The following SNX18 variants were observed in gnomAD, a reference collection of about 807,000 sequenced individuals.
SNX18 encodes the protein sorting nexin-18.
A neutral mutation model predicts 48.7 loss-of-function variants in SNX18; 35 were observed. That is an observed-to-expected ratio of 0.72 (90% CI 0.55 to 0.95). The LOEUF (loss-of-function observed/expected upper bound fraction) is 0.95. SNX18 is among the 40% of genes least tolerant of loss of function. The pLI, the probability that SNX18 is intolerant of heterozygous loss-of-function variation, is 0.00. For missense variants in SNX18, 824 were observed against 871.0 expected (o/e 0.95, Z 0.68); for synonymous variants, 492 against 384.7 (o/e 1.28, Z -3.26).
At chr5:54,579,730 G>C in the SNX18 span, among the ~76,000 whole-genome samples, 3 of 152,180 alleles carry the variant, frequency 2.0e-5, no homozygotes, top group Admixed American at 6.5e-5. Flanking sequence ...GGAAAGAGAA[G>C]CTCATCAAGG....
the SNX18 span, among the ~76,000 whole-genome samples, chr5:54,568,892 G>C: frequency 6.9e-6 from 1 of 145,908 alleles, no homozygotes; most frequent in African/African-American, 2.6e-5. Flanking sequence ...TCCCAGGCTG[G>C]AGTGCAGTGG....
chr5:54,570,980 A>ATT, the SNX18 span, among the ~76,000 whole-genome samples: 1 of 152,212 alleles, frequency 6.6e-6, no homozygotes, highest in Non-Finnish European at 1.5e-5. Flanking sequence ...TGAACACTCA[A>ATT]GCCTCTTGCC....
rs1012911415 is a variant in SNX18 at position 54,518,063 on chromosome 5, C to G, written c.111C>G (p.Gly37=). The G allele has an allele frequency of 2.6e-6, 4 of 1,545,862 alleles. No individual in the cohort carries two copies. Among genetic ancestry groups the G allele is most frequent in the South Asian group, 1.2e-5 (1 of 84,004 alleles). Residue 37 remains glycine, a synonymous_variant, in exon 1 of 2, where the codon GGC becomes GGG. Coordinates refer to ENST00000381410, the MANE Select transcript of SNX18 (RefSeq NM_001102575.2). ...TGTGCAGCGAGCAGGACATCGAGGG[C>G]TGGCTCGAGGGGGTCAACAGCCGCG... ...LSLCSEQDIE[G]WLEGVNSRGD...
the SNX18 span, among the ~76,000 whole-genome samples, chr5:54,598,074 G>A: frequency 1.3e-5 from 2 of 152,070 alleles, no homozygotes; most frequent in Non-Finnish European, 2.9e-5. Context: ...GGATCCCACA[G>A]AAATACAACT....
chr5:54,564,218 A>T, the SNX18 span, among the ~76,000 whole-genome samples: 1 of 151,934 alleles, frequency 6.6e-6, no homozygotes, highest in African/African-American at 2.4e-5. Flanking sequence ...GTGAGCCGAG[A>T]CCGCACCGTT....
the SNX18 span, among the ~76,000 whole-genome samples, chr5:54,628,388 GC>G: frequency 6.6e-6 from 1 of 152,114 alleles, no homozygotes; most frequent in Non-Finnish European, 1.5e-5. Context: ...TCAGTGAGTA[GC>G]ACCACCATTC....
chr5:54,578,835 A>T, the SNX18 span, among the ~76,000 whole-genome samples: 1 of 152,194 alleles, frequency 6.6e-6, no homozygotes, highest in African/African-American at 2.4e-5. Flanking sequence ...CTTGATTAAG[A>T]TACACACTGG....
chr5:54,621,637 A>G, the SNX18 span, among the ~76,000 whole-genome samples: 260 of 152,294 alleles, frequency 1.7e-3, 6 homozygotes, highest in East Asian at 0.034. Context: ...AAGCACAACA[A>G]CGTTACTGTT....
chr5:54,630,698 G>T, the SNX18 span, among the ~76,000 whole-genome samples: 1 of 152,080 alleles, frequency 6.6e-6, no homozygotes, highest in Non-Finnish European at 1.5e-5. Context: ...GCCGGGCATG[G>T]TGGCATGTGC....
chr5:54,606,862 G>A, the SNX18 span, among the ~76,000 whole-genome samples: 3 of 152,044 alleles, frequency 2.0e-5, no homozygotes, highest in African/African-American at 7.3e-5. Flanking sequence ...TCCATAAAAT[G>A]TTATCACCTG....
chr5:54,554,153 C>T, the SNX18 span, among the ~76,000 whole-genome samples: 1 of 152,198 alleles, frequency 6.6e-6, no homozygotes, highest in Non-Finnish European at 1.5e-5. Context: ...TCTATTGCTA[C>T]CATTGTTTGT....
chr5:54,568,629 C>T, the SNX18 span, among the ~76,000 whole-genome samples: 5 of 152,276 alleles, frequency 3.3e-5, no homozygotes, highest in South Asian at 4.1e-4. Context: ...TTTTCAGTCA[C>T]GCTGCTTCCA....
At chr5:54,560,129 C>T in the SNX18 span, among the ~76,000 whole-genome samples, 1 of 152,138 alleles carries the variant, frequency 6.6e-6, no homozygotes, top group Non-Finnish European at 1.5e-5. Flanking sequence ...TTATGGGGTA[C>T]ATACCCAAAG....
chr5:54,518,113 C>T lies in SNX18; in HGVS notation c.161C>T (p.Ser54Phe). 1 of 1,500,244 alleles carries T rather than the reference C, an allele frequency of 6.7e-7. No homozygotes were observed. Among genetic ancestry groups the T allele is most frequent in the Non-Finnish European group, 8.8e-7 (1 of 1,130,756 alleles). 92.9% of individuals were successfully genotyped at this position (1,500,244 alleles called of 1,614,324 possible). A position where few individuals can be genotyped will look rare whatever the true frequency, so the allele number is the denominator to read the frequency against. Residue 54 changes from serine (S) to phenylalanine (F), a missense_variant, in exon 1 of 2, where the codon TCC becomes TTC. Transcript: ENST00000381410. The stretch of plus-strand genomic sequence containing the variant: ...GGCGACCGCGGCCTCTTCCCGGCCT[C>T]CTATGTGCAGGTGATCCGCGCCCCC... ...SRGDRGLFPA[S>F]YVQVIRAPEP...
At chr5:54,583,669 C>T in the SNX18 span, among the ~76,000 whole-genome samples, 3 of 152,208 alleles carry the variant, frequency 2.0e-5, no homozygotes, top group Non-Finnish European at 2.9e-5. Context: ...TACCACTTAG[C>T]ATGTTTTGGA....
the SNX18 span, among the ~76,000 whole-genome samples, chr5:54,573,487 G>A: frequency 1.3e-5 from 2 of 152,162 alleles, no homozygotes; most frequent in Admixed American, 1.3e-4. Flanking sequence ...CATGTTCTGG[G>A]AAGAGGCAGT....
intron 1 of SNX18, among the ~76,000 whole-genome samples, chr5:54,527,679 G>GTGAA (rs1762162193): frequency 6.6e-6 from 1 of 152,178 alleles, no homozygotes; most frequent in Non-Finnish European, 1.5e-5. Context: ...TAGTCCTTTT[G>GTGAA]TGAATAATTG....
intron 1 of SNX18, among the ~76,000 whole-genome samples, chr5:54,540,020 C>T (rs1762434506): frequency 6.6e-6 from 1 of 151,736 alleles, no homozygotes; most frequent in South Asian, 2.1e-4. Flanking sequence ...TACAGGCGCC[C>T]ACCACCACAC....
At chr5:54,552,127 G>A in the SNX18 span, among the ~76,000 whole-genome samples, 6 of 152,306 alleles carry the variant, frequency 3.9e-5, no homozygotes, top group Admixed American at 2.0e-4. Flanking sequence ...ACCAGCCTGC[G>A]GAATTCAAAT....
Sources: allele counts gnomAD v4.1 joint callset (sites outside exome capture counted in the v4.1 genomes callset), GRCh38; gene constraint gnomAD v4.1.1; transcripts MANE v1.5; gene names NCBI Gene and HGNC (gene_info 2026-07-23, HGNC 2026-07-21).